ITPR1: variants seen among roughly 807,000 people sequenced by gnomAD.
The protein encoded by ITPR1 is inositol 1,4,5-trisphosphate-gated calcium channel ITPR1.
Under a neutral mutation model 318.4 loss-of-function variants are expected in ITPR1, and 96 were observed. The observed-to-expected ratio is 0.30, with a 90% confidence interval of 0.26 to 0.36. ITPR1 has a LOEUF of 0.36. ITPR1 is among the 10% of genes least tolerant of loss of function. ITPR1 has a pLI of 1.00. For synonymous variants in ITPR1, 1,312 were observed against 1,289.9 expected, an observed-to-expected ratio of 1.02 and a Z score of -0.37; for missense variants, 2,440 against 3,460.2, an observed-to-expected ratio of 0.71 and a Z score of 7.40.
In ITPR1 at chr3:4,814,420, C is replaced by T. The variant is rs748317274; in HGVS notation, c.7562-3C>T. On this transcript the variant is annotated splice_region_variant and splice_polypyrimidine_tract_variant and intron_variant, in intron 57 of 61. Transcript: ENST00000649015. The stretch of plus-strand genomic sequence containing the variant: ...TCTCTGTTGTTACTTGCCGTGTTCA[C>T]AGAGCTGGTCCCTGCAGAAGAGACG... 64 of 1,613,798 alleles carry T rather than the reference C, an allele frequency of 4.0e-5. No individual in the cohort carries two copies. Among genetic ancestry groups the T allele is most frequent in the Non-Finnish European group, 5.4e-5 (64 of 1,179,854 alleles).
At chr3:4,541,158 AT>A (rs1243095317) in intron 4 of ITPR1, among the ~76,000 whole-genome samples, 4 of 151,942 alleles carry the variant, frequency 2.6e-5, no homozygotes, top group Non-Finnish European at 4.4e-5. Context: ...ATTAGATATG[AT>A]TTTGTTTTAT....
chr3:4,706,063 C>T, intron 36 of ITPR1, 104 bp from the exon 37 acceptor site: 1 of 1,188,956 alleles, frequency 8.4e-7, no homozygotes, highest in Non-Finnish European at 1.2e-6. Flanking sequence ...CTGGCCCATT[C>T]TGGGTGTGAA....
At chr3:4,763,324 C>G (rs1338605113) in intron 44 of ITPR1, among the ~76,000 whole-genome samples, 1 of 152,132 alleles carries the variant, frequency 6.6e-6, no homozygotes, top group African/African-American at 2.4e-5. Flanking sequence ...TGTGACAAAC[C>G]TGCACGTCCT....
chr3:4,776,460 AGGGAAG>A (rs2046493216), intron 47 of ITPR1, among the ~76,000 whole-genome samples: 1 of 152,206 alleles, frequency 6.6e-6, no homozygotes, highest in African/African-American at 2.4e-5. Context: ...CCCAGCAGCC[AGGGAAG>A]GTTACTTGTG....
intron 4 of ITPR1, among the ~76,000 whole-genome samples, chr3:4,593,954 A>C (rs1402984628): frequency 2.0e-5 from 3 of 152,174 alleles, no homozygotes; most frequent in Admixed American, 6.5e-5. Flanking sequence ...AGCCATTCCT[A>C]CTGGAGAGCT....
intron 46 of ITPR1, among the ~76,000 whole-genome samples, chr3:4,773,101 G>A (rs1464669616): frequency 6.6e-6 from 1 of 152,248 alleles, no homozygotes; most frequent in African/African-American, 2.4e-5. Context: ...CGGTCCCTCT[G>A]TACGCACATC....
intron 40 of ITPR1, among the ~76,000 whole-genome samples, chr3:4,717,628 C>G (rs568570723): frequency 1.3e-5 from 2 of 152,298 alleles, no homozygotes; most frequent in Admixed American, 6.5e-5. Flanking sequence ...TGAAGACTTT[C>G]TAAACTGCAG....
chr3:4,529,632 TG>T (rs2083257604), intron 4 of ITPR1, among the ~76,000 whole-genome samples: 1 of 152,212 alleles, frequency 6.6e-6, no homozygotes, highest in Admixed American at 6.5e-5. Flanking sequence ...AAACTAGGGT[TG>T]GGGCACAACC....
At chr3:4,654,403 G>A (rs961320293) in intron 12 of ITPR1, among the ~76,000 whole-genome samples, 2 of 152,232 alleles carry the variant, frequency 1.3e-5, no homozygotes, top group African/African-American at 4.8e-5. Flanking sequence ...AGGCTTTAGT[G>A]TATAGGATGG....
Position 4,795,136 on chromosome 3 carries a change from C to A in ITPR1, c.6880C>A (p.Leu2294Met), listed in dbSNP as rs746473320. 6.2e-7 allele frequency: 1 copy of A among 1,613,750 alleles called. No individual in the cohort carries two copies. Among genetic ancestry groups the A allele is most frequent in the African/African-American group, 1.3e-5 (1 of 74,930 alleles). The part of the protein sequence containing the change: ...WSSISFNLAV[L>M]MNLLVAFFYP... ...CAGCATTTCGTTTAACCTGGCCGTC[C>A]TGATGAACCTGCTGGTGGCGTTTTT... The change falls in exon 53 of 62, where the codon CTG (leucine) becomes ATG (methionine). Residue 2294 changes from leucine to methionine, a missense_variant. Around this residue, in one of 23 missense-constraint regions of ITPR1, gnomAD observed 115 missense variants for 204.5 expected, o/e 0.56. Transcript: ENST00000649015.
intron 46 of ITPR1, among the ~76,000 whole-genome samples, chr3:4,769,841 G>A (rs931977017): frequency 6.6e-6 from 1 of 152,200 alleles, no homozygotes; most frequent in Non-Finnish European, 1.5e-5. Context: ...AGGAAGGGCC[G>A]AGGATGGATC....
chr3:4,572,978 A>T, intron 4 of ITPR1, among the ~76,000 whole-genome samples: 1 of 152,136 alleles, frequency 6.6e-6, no homozygotes, highest in East Asian at 1.9e-4. Context: ...TGTTTGGTTT[A>T]TCCATTCATT....
chr3:4,678,066 C>G (rs182530703), intron 24 of ITPR1, among the ~76,000 whole-genome samples: 41 of 152,160 alleles, frequency 2.7e-4, no homozygotes, highest in African/African-American at 9.4e-4. Context: ...GATCTCAACC[C>G]CAACAGATGT....
chr3:4,784,153 A>G (rs1439497086), intron 51 of ITPR1, among the ~76,000 whole-genome samples: 1 of 152,146 alleles, frequency 6.6e-6, no homozygotes, highest in African/African-American at 2.4e-5. Context: ...TCACGAATTC[A>G]CGAGGACAGG....
chr3:4,734,081 C>A (rs548208549), intron 43 of ITPR1, among the ~76,000 whole-genome samples: 1 of 152,328 alleles, frequency 6.6e-6, no homozygotes, highest in South Asian at 2.1e-4. Context: ...GAAGCCTGGA[C>A]TTCTCACTAA....
intron 2 of ITPR1, among the ~76,000 whole-genome samples, chr3:4,501,183 A>G (rs889607200): frequency 1.5e-4 from 22 of 151,520 alleles, no homozygotes; most frequent in Non-Finnish European, 5.9e-5. Context: ...TTTTTTAATG[A>G]CATGCACTAG....
At chr3:4,801,835 G>A (rs2048252868) in intron 54 of ITPR1, among the ~76,000 whole-genome samples, 1 of 152,164 alleles carries the variant, frequency 6.6e-6, no homozygotes, top group African/African-American at 2.4e-5. Flanking sequence ...TGGCCATGAA[G>A]CGGGGATTGA....
chr3:4,839,262 G>A (rs995167303), intron 61 of ITPR1, among the ~76,000 whole-genome samples: 2 of 152,116 alleles, frequency 1.3e-5, no homozygotes, highest in Non-Finnish European at 2.9e-5. Context: ...AGGAGGCGGA[G>A]GTTGTGGTGA....
chr3:4,790,350 A>G (rs570934301), intron 52 of ITPR1, among the ~76,000 whole-genome samples: 2 of 152,212 alleles, frequency 1.3e-5, no homozygotes, highest in Non-Finnish European at 2.9e-5. Context: ...TAGCATGGTC[A>G]TTATGCCAAG....
Sources: allele counts gnomAD v4.1 joint callset (sites outside exome capture counted in the v4.1 genomes callset), GRCh38; gene constraint gnomAD v4.1.1; regional missense constraint gnomAD v4.1.1; transcripts MANE v1.5; gene names NCBI Gene and HGNC (gene_info 2026-07-23, HGNC 2026-07-21).